Variants in IQGAP2 observed in about 807,000 individuals in gnomAD.
IQGAP2 encodes ras GTPase-activating-like protein IQGAP2.
In IQGAP2, 173 loss-of-function variants were observed where a neutral mutation model predicts 201.3. The ratio of observed to expected loss-of-function variants is 0.86; its 90% CI spans 0.76 to 0.98. The LOEUF is 0.98. IQGAP2 is among the 50% of genes least tolerant of loss of function. IQGAP2 has a pLI of 0.00. For synonymous variants in IQGAP2, 675 were observed against 673.9 expected (o/e 1.00, Z -0.03); for missense variants, 1,687 against 1,864.8 (o/e 0.90, Z 1.76).
At chr5:76,473,200 A>T (rs144871505) in intron 2 of IQGAP2, among the ~76,000 whole-genome samples, 1 of 152,288 alleles carries the variant, frequency 6.6e-6, no homozygotes, top group Non-Finnish European at 1.5e-5. Flanking sequence ...AGTCCAAAAC[A>T]TGGTCTTGGT....
In IQGAP2 at chr5:76,617,160, A is replaced by G. The variant is rs1447078916; in HGVS notation, c.1521+5977A>G. The G allele has an allele frequency of 1.9e-5, 3 of 158,446 alleles. No individual in the cohort carries two copies. The East Asian group carries it at 5.5e-4, about 29-fold the overall frequency. 9.8% of individuals were successfully genotyped at this position (158,446 alleles called of 1,614,324 possible). On this transcript the variant is annotated intron_variant, in intron 13 of 35. Transcript: ENST00000274364. ...GATAAAGTGTTTTTAAAAATTACTA[A>G]TGCTGGCTGGCTCAGTGGCTCACGC...
At chr5:76,488,135 A>C (rs951055972) in intron 2 of IQGAP2, among the ~76,000 whole-genome samples, 37 of 152,350 alleles carry the variant, frequency 2.4e-4, no homozygotes, top group African/African-American at 8.4e-4. Context: ...AATGGATACA[A>C]AAACTGTTTT....
At chr5:76,615,629 C>G (rs182754102) in intron 13 of IQGAP2, 2 of 152,302 alleles carry the variant, frequency 1.3e-5, no homozygotes, top group Non-Finnish European at 2.9e-5. Context: ...ATCATTCACT[C>G]TTTACCACTA....
chr5:76,622,007 A>T (rs943267370), intron 13 of IQGAP2, among the ~76,000 whole-genome samples: 10 of 152,084 alleles, frequency 6.6e-5, no homozygotes, highest in African/African-American at 2.2e-4. Flanking sequence ...ACCTCTAGAG[A>T]CAGAAACTAA....
intron 1 of IQGAP2, among the ~76,000 whole-genome samples, chr5:76,438,035 G>GTTTTTTTTTTTTTTTTTTTTTTTTTT (rs71604291): frequency 5.8e-5 from 4 of 68,598 alleles, no homozygotes; most frequent in African/African-American, 8.1e-5. Context: ...TTTTTTGTTT[G>GTTTTTTTTTTTTTTTTTTTTTTTTTT]TTTTTTTTTT....
intron 1 of IQGAP2, among the ~76,000 whole-genome samples, chr5:76,455,766 T>C (rs1490084074): frequency 6.6e-6 from 1 of 152,174 alleles, no homozygotes; most frequent in Non-Finnish European, 1.5e-5. Context: ...CTCTTGTTGG[T>C]AAACTTGTCT....
At chr5:76,691,149 C>G (rs934426217) in intron 30 of IQGAP2, among the ~76,000 whole-genome samples, 1 of 152,144 alleles carries the variant, frequency 6.6e-6, no homozygotes, top group Non-Finnish European at 1.5e-5. Context: ...GAGGTGGGTT[C>G]CCTGTCATGG....
chr5:76,699,644 T>TCTCGTG (rs1747112642), intron 33 of IQGAP2: 1 of 125,744 alleles, frequency 8.0e-6, no homozygotes. Flanking sequence ...TCTCTCTCTC[T>TCTCGTG]CTCTCTCTCT....
intron 2 of IQGAP2, among the ~76,000 whole-genome samples, chr5:76,482,084 A>C (rs2150145641): frequency 6.6e-6 from 1 of 152,342 alleles, no homozygotes; most frequent in East Asian, 1.9e-4. Flanking sequence ...AAAATTTACA[A>C]CAGAAAGGAG....
Position 76,597,457 on chromosome 5 carries a change from A to G in IQGAP2, c.926A>G (p.His309Arg), listed in dbSNP as rs1747115438. The G allele has an allele frequency of 1.9e-6, 3 of 1,614,010 alleles. No homozygotes were observed. The highest frequency in any genetic ancestry group is 2.5e-6 in the Non-Finnish European group (3 of 1,179,966). Reference protein sequence around the residue: ...NKVNRQAAVDHINAVIPEGDP... With the variant: ...NKVNRQAAVDRINAVIPEGDP... ...TCCTCAGGGCAGGCTGCAGTGGACC[A>G]TATCAATGCTGTCATTCCGGAAGGT... Residue 309 changes from histidine to arginine, a missense_variant, in exon 10 of 36, where the codon CAT (histidine) becomes CGT (arginine). Coordinates refer to ENST00000274364, the MANE Select transcript of IQGAP2 (RefSeq NM_006633.5).
intron 13 of IQGAP2, among the ~76,000 whole-genome samples, chr5:76,626,363 A>G (rs1750240098): frequency 7.8e-6 from 1 of 128,168 alleles, no homozygotes; most frequent in South Asian, 2.6e-4. Flanking sequence ...ACCTCCACCC[A>G]CCAGGTTCAA....
In IQGAP2 at chr5:76,624,947, G is replaced by A. The variant is rs183782845; in HGVS notation, c.1522-2463G>A. On this transcript the variant is annotated intron_variant, in intron 13 of 35. Coordinates refer to ENST00000274364, the MANE Select transcript of IQGAP2 (RefSeq NM_006633.5). ...AAATTAGCTGAGCGTGGTGGCGGGC[G>A]CCTGTTATCCCAGCTACTTGGGAGG... Among the ~76,000 whole-genome samples the A allele has an allele frequency of 8.6e-3, 1,309 of 152,286 alleles. 16 individuals are homozygous for A. Among genetic ancestry groups the A allele is most frequent in the African/African-American group, 0.029 (1,206 of 41,544 alleles).
chr5:76,665,622 C>T (rs1743687213), intron 22 of IQGAP2, among the ~76,000 whole-genome samples: 1 of 152,180 alleles, frequency 6.6e-6, no homozygotes, highest in African/African-American at 2.4e-5. Context: ...AACCAGTCTC[C>T]CCTTCTATGG....
chr5:76,536,715 G>A (rs530973981), intron 2 of IQGAP2, among the ~76,000 whole-genome samples: 5 of 151,122 alleles, frequency 3.3e-5, no homozygotes, highest in African/African-American at 9.7e-5. Flanking sequence ...AGCCAAGATT[G>A]TGCCATTGCA....
chr5:76,527,856 C>T (rs1759058723), intron 2 of IQGAP2, among the ~76,000 whole-genome samples: 1 of 152,214 alleles, frequency 6.6e-6, no homozygotes, highest in South Asian at 2.1e-4. Context: ...AGACCCTAAG[C>T]TCACATTGTA....
At chr5:76,520,560 T>TA (rs1409499306) in intron 2 of IQGAP2, among the ~76,000 whole-genome samples, 1 of 152,246 alleles carries the variant, frequency 6.6e-6, no homozygotes, top group Non-Finnish European at 1.5e-5. Context: ...TTTTCATGTA[T>TA]AAAGTTTATT....
chr5:76,550,507 G>C (rs969463495), intron 2 of IQGAP2, among the ~76,000 whole-genome samples: 1 of 152,038 alleles, frequency 6.6e-6, no homozygotes, highest in South Asian at 2.1e-4. Flanking sequence ...GCTGCCTTCC[G>C]CAGTGTTTGT....
chr5:76,591,046 G>A (rs1746613551), intron 8 of IQGAP2, among the ~76,000 whole-genome samples: 1 of 152,176 alleles, frequency 6.6e-6, no homozygotes, highest in Admixed American at 6.5e-5. Flanking sequence ...GCAGTGAGCT[G>A]TGACCCTGCC....
intron 1 of IQGAP2, chr5:76,404,558 T>C (rs574991598): frequency 2.3e-6 from 2 of 868,798 alleles, no homozygotes; most frequent in South Asian, 1.1e-4. Flanking sequence ...AAGGTGGTGA[T>C]ACCTTCAGCA....
Sources: gnomAD v4.1 joint callset for allele counts (sites outside exome capture counted in the v4.1 genomes callset) on GRCh38, gnomAD v4.1.1 for gene constraint, MANE v1.5 for transcripts, NCBI Gene and HGNC (gene_info 2026-07-23, HGNC 2026-07-21) for gene names.